Variants in SIMC1 observed in about 807,000 individuals in gnomAD.
SIMC1 encodes the protein SUMO interacting motifs containing 1.
SIMC1 carries 55 observed loss-of-function variants against 82.3 expected under a neutral mutation model. That is an observed-to-expected ratio of 0.67 (90% CI 0.54 to 0.84). The LOEUF (loss-of-function observed/expected upper bound fraction) is 0.84, where lower values mean the gene tolerates loss of function less well. Ranked by LOEUF, SIMC1 falls within the 40% of genes least tolerant of loss-of-function variation. SIMC1 has a pLI of 0.00. For synonymous variants in SIMC1, 353 were observed against 426.3 expected, an observed-to-expected ratio of 0.83 and a Z score of 2.12; for missense variants, 915 against 1,107.2, an observed-to-expected ratio of 0.83 and a Z score of 2.46.
intron 2 of SIMC1, among the ~76,000 whole-genome samples, chr5:176,291,407 G>A (rs1763564813): frequency 7.2e-6 from 1 of 138,206 alleles, no homozygotes; most frequent in African/African-American, 2.8e-5. Flanking sequence ...CACGATCTCC[G>A]CTCACTGCAA....
intron 1 of SIMC1, among the ~76,000 whole-genome samples, chr5:176,275,300 T>C (rs1200184414): frequency 1.3e-5 from 2 of 151,912 alleles, no homozygotes; most frequent in African/African-American, 4.8e-5. Context: ...TAAGAATGCT[T>C]GTAATTTTTG....
chr5:176,316,592 G>A (rs1480203518), intron 5 of SIMC1, among the ~76,000 whole-genome samples: 1 of 152,072 alleles, frequency 6.6e-6, no homozygotes, highest in African/African-American at 2.4e-5. Flanking sequence ...GAGAGGCTGA[G>A]GCAGGAGAAT....
chr5:176,248,679 G>A (rs922775675), intron 1 of SIMC1, among the ~76,000 whole-genome samples: 1 of 152,046 alleles, frequency 6.6e-6, no homozygotes, highest in African/African-American at 2.4e-5. Context: ...TCCTTGTCTT[G>A]TGCTGGTTTT....
intron 1 of SIMC1, among the ~76,000 whole-genome samples, chr5:176,288,162 C>G (rs1763380310): frequency 6.6e-6 from 1 of 152,216 alleles, no homozygotes; most frequent in Admixed American, 6.5e-5. Context: ...AATCCCAGCA[C>G]TTTGGGAGGC....
At chr5:176,246,607 TTTTA>T (rs1299523713) in intron 1 of SIMC1, among the ~76,000 whole-genome samples, 1 of 151,906 alleles carries the variant, frequency 6.6e-6, no homozygotes, top group Admixed American at 6.6e-5. Context: ...CTAGCTAATT[TTTTA>T]TTTATTATTA....
At chr5:176,338,548 A>G (rs1256560493) in intron 9 of SIMC1, among the ~76,000 whole-genome samples, 2 of 152,198 alleles carry the variant, frequency 1.3e-5, no homozygotes, top group African/African-American at 4.8e-5. Flanking sequence ...CCTATTTTTG[A>G]TAATCATACT....
intron 1 of SIMC1, among the ~76,000 whole-genome samples, chr5:176,272,213 A>C (rs67198722): frequency 3.2e-5 from 4 of 125,576 alleles, no homozygotes; most frequent in African/African-American, 1.1e-4. Flanking sequence ...GGCATGGTGG[A>C]ACGCACCTGC....
intron 5 of SIMC1, among the ~76,000 whole-genome samples, chr5:176,319,840 C>T (rs1416007329): frequency 6.6e-6 from 1 of 152,094 alleles, no homozygotes; most frequent in Non-Finnish European, 1.5e-5. Flanking sequence ...ATTTTGGTCT[C>T]TATCTCTTTA....
At chr5:176,327,118 C>T (rs1432727454) in intron 7 of SIMC1, among the ~76,000 whole-genome samples, 1 of 152,010 alleles carries the variant, frequency 6.6e-6, no homozygotes, top group Non-Finnish European at 1.5e-5. Context: ...TTCATGTAAG[C>T]CCAGATGCTG....
chr5:176,344,146 A>C (rs10052522), intron 9 of SIMC1, among the ~76,000 whole-genome samples: 114,768 of 151,910 alleles, frequency 0.76, 43,495 homozygotes, highest in Middle Eastern at 0.85. Context: ...CCAGTAATAT[A>C]CTTTTTAGGT....
At position 176,313,675 on chromosome 5, in the gene SIMC1, A is replaced by G. The variant is rs1460524507; in HGVS notation, c.1735-16A>G. ...GACTGAGAAGAAAGACTGACTTCTC[A>G]TTCTTTTTCCCACAGGGACAAACTC... On this transcript the variant is annotated splice_polypyrimidine_tract_variant and intron_variant, in intron 4 of 9. Coordinates refer to ENST00000429602, the MANE Select transcript of SIMC1 (RefSeq NM_001308195.2). 1 of 1,613,068 alleles carries G rather than the reference A, an allele frequency of 6.2e-7. No homozygotes were observed. Among genetic ancestry groups the G allele is most frequent in the Non-Finnish European group, 8.5e-7 (1 of 1,179,314 alleles).
At chr5:176,336,057 G>A (rs1255192157) in intron 7 of SIMC1, among the ~76,000 whole-genome samples, 5 of 107,214 alleles carry the variant, frequency 4.7e-5, no homozygotes. Context: ...GCAGGGGTGG[G>A]GTGAGGGATG....
intron 9 of SIMC1, among the ~76,000 whole-genome samples, chr5:176,339,274 G>C (rs1216110696): frequency 6.6e-6 from 1 of 152,066 alleles, no homozygotes; most frequent in Non-Finnish European, 1.5e-5. Flanking sequence ...TGAGGCAGGA[G>C]AATCATTTGA....
intron 1 of SIMC1, among the ~76,000 whole-genome samples, chr5:176,262,384 T>A (rs1235008644): frequency 6.6e-6 from 1 of 151,630 alleles, no homozygotes; most frequent in African/African-American, 2.4e-5. Context: ...ATATCATACC[T>A]AATGGTGAAA....
chr5:176,246,407 GGTGTGTGTGTGTGT>G lies in SIMC1; in HGVS notation c.129+7799_129+7812del, dbSNP rs57262987. 1.1e-3 allele frequency among the ~76,000 whole-genome samples: 155 copies of G among 137,056 alleles called. No individual in the cohort carries two copies. In the Middle Eastern group the frequency reaches 0.011, roughly 10 times the overall value. 89.9% of individuals were successfully genotyped at this position (137,056 alleles called of 152,430 possible). On this transcript the variant is annotated intron_variant, in intron 1 of 9. Transcript: ENST00000429602. ...CAATCAGCTTGTATAATAGTTCAGG[GGTGTGTGTGTGTGT>G]GTGTGTGTGTGTGTGTGTGTGTGTG...
intron 1 of SIMC1, among the ~76,000 whole-genome samples, chr5:176,248,126 T>G (rs1328744085): frequency 6.6e-6 from 1 of 152,122 alleles, no homozygotes; most frequent in Non-Finnish European, 1.5e-5. Flanking sequence ...TAAAGTAGTT[T>G]TTTCTAATTC....
rs1766397294 is a variant in SIMC1, at chr5:176,345,233, A to T, written c.2464A>T (p.Ile822Phe). ...IDRKDLIIKRIKPKPQQGDDI... is the reference protein window; with the variant it reads ...IDRKDLIIKRFKPKPQQGDDI... The stretch of plus-strand genomic sequence containing the variant: ...CCGAAAGGACTTAATAATCAAAAGG[A>T]TTAAGCCCAAACCCCAGCAAGGAGA... The change falls in exon 10 of 10, where the codon ATT becomes TTT. Residue 822 changes from isoleucine (I) to phenylalanine (F), a missense_variant. Ile to Phe is a conservative substitution (Grantham distance 21, BLOSUM62 0). This residue lies in a region of SIMC1 where 902 missense variants were observed against 1,040.3 expected (regional missense o/e 0.87). Transcript: ENST00000429602. The T allele has an allele frequency of 6.2e-7, 1 of 1,614,036 alleles. No individual in the cohort carries two copies. The highest frequency in any genetic ancestry group is 8.5e-7 in the Non-Finnish European group (1 of 1,179,896).
At chr5:176,285,949 A>G (rs1265545803) in intron 1 of SIMC1, among the ~76,000 whole-genome samples, 2 of 152,248 alleles carry the variant, frequency 1.3e-5, no homozygotes, top group African/African-American at 4.8e-5. Flanking sequence ...GACCTCTTCA[A>G]GGAGAACTAC....
chr5:176,290,500 C>T lies in SIMC1; in HGVS notation c.976C>T (p.Pro326Ser). ...GTCACCAAGTGATGTTTCACCGTCA[C>T]CAGATGCACCACAGTCACCAGGGGG... ...PQSPSDVSPS[P>S]DAPQSPGGMP... Residue 326 changes from proline (P) to serine (S), a missense_variant, in exon 2 of 10, where the codon CCA (proline) becomes TCA (serine). Pro to Ser is a moderately conservative substitution (Grantham distance 74). Around this residue, in one of 2 missense-constraint regions of SIMC1, gnomAD observed 902 missense variants for 1,040.3 expected, o/e 0.87. Transcript: ENST00000429602. 1.2e-6 allele frequency: 2 copies of T among 1,613,960 alleles called. No individual in the cohort carries two copies. Among genetic ancestry groups the T allele is most frequent in the African/African-American group, 2.7e-5 (2 of 75,020 alleles).
Sources: allele counts gnomAD v4.1 joint callset (sites outside exome capture counted in the v4.1 genomes callset), GRCh38; gene constraint gnomAD v4.1.1; regional missense constraint gnomAD v4.1.1; transcripts MANE v1.5; gene names NCBI Gene and HGNC (gene_info 2026-07-23, HGNC 2026-07-21).